Variants in ERG observed in about 807,000 individuals in gnomAD.
The protein encoded by ERG is transcriptional regulator ERG.
In ERG, 9 loss-of-function variants were observed where a neutral mutation model predicts 55.3. The observed-to-expected ratio is 0.16, with a 90% CI of 0.10 to 0.28. ERG has a LOEUF of 0.28. ERG is among the 10% of genes least tolerant of loss of function. ERG has a pLI of 1.00. For synonymous variants in ERG, 223 were observed against 237.3 expected (o/e 0.94, Z 0.55); for missense variants, 434 against 631.6 (o/e 0.69, Z 3.35).
chr21:38,650,303 T>G (rs2060481126), intron 1 of ERG, among the ~76,000 whole-genome samples: 1 of 152,182 alleles, frequency 6.6e-6, no homozygotes, highest in Non-Finnish European at 1.5e-5. Flanking sequence ...CTAGTGAAGT[T>G]TCTTACTTTG....
chr21:38,423,339 C>G, intron 3 of ERG, 71 bp downstream of exon 3: 3 of 1,495,880 alleles, frequency 2.0e-6, no homozygotes, highest in South Asian at 1.3e-5. Flanking sequence ...GGGAGAAGAG[C>G]TCCCTGAGGC....
chr21:38,494,992 C>A (rs1441300269), intron 1 of ERG, among the ~76,000 whole-genome samples: 2 of 152,262 alleles, frequency 1.3e-5, no homozygotes, highest in Admixed American at 6.5e-5. Flanking sequence ...GACTTATGCA[C>A]AGCAGGGCAG....
At chr21:38,552,186 AAT>A (rs139546378) in intron 2 of ERG, among the ~76,000 whole-genome samples, 5,500 of 152,206 alleles carry the variant, frequency 0.036, 146 homozygotes, top group Non-Finnish European at 0.052. Context: ...TTAAATCAGT[AAT>A]ATAAAGACTA....
chr21:38,604,932 T>C (rs1022520074), intron 1 of ERG, among the ~76,000 whole-genome samples: 18 of 152,244 alleles, frequency 1.2e-4, no homozygotes, highest in Non-Finnish European at 2.1e-4. Context: ...TTATAGGGCG[T>C]ATTATTTCTT....
chr21:38,435,742 C>T (rs1359414200), intron 2 of ERG, among the ~76,000 whole-genome samples: 3 of 152,154 alleles, frequency 2.0e-5, no homozygotes, highest in South Asian at 2.1e-4. Context: ...CCAGCAAGAC[C>T]GTGTTGCTTT....
intron 2 of ERG, among the ~76,000 whole-genome samples, chr21:38,539,450 C>T (rs1359110911): frequency 6.6e-6 from 1 of 152,094 alleles, no homozygotes; most frequent in African/African-American, 2.4e-5. Context: ...AAAGAAAATA[C>T]ATGATGGAAA....
chr21:38,612,618 C>T (rs912040973), intron 1 of ERG, among the ~76,000 whole-genome samples: 10 of 151,456 alleles, frequency 6.6e-5, no homozygotes, highest in Non-Finnish European at 1.3e-4. Flanking sequence ...AAATGAAACA[C>T]AGTAACTAAC....
chr21:38,394,632 G>A (rs1006594654), intron 6 of ERG, among the ~76,000 whole-genome samples: 4 of 152,250 alleles, frequency 2.6e-5, no homozygotes, highest in Non-Finnish European at 5.9e-5. Flanking sequence ...GATTACAGGC[G>A]TGAGCCACCG....
intron 2 of ERG, among the ~76,000 whole-genome samples, chr21:38,524,484 G>A (rs1488958800): frequency 6.6e-6 from 1 of 152,114 alleles, no homozygotes; most frequent in Non-Finnish European, 1.5e-5. Flanking sequence ...TTATCTATCT[G>A]CACTGAAATT....
intron 1 of ERG, among the ~76,000 whole-genome samples, chr21:38,456,443 A>T (rs992686645): frequency 6.6e-6 from 1 of 152,192 alleles, no homozygotes; most frequent in African/African-American, 2.4e-5. Flanking sequence ...TAAATAAAAA[A>T]ATTTAAAAAA....
Position 38,380,636 on chromosome 21 carries a change from CAG to C in ERG, c.*2765_*2766del, listed in dbSNP as rs998775778. Reference sequence around the variant, plus strand: ...CTTTGGAATTAGATTACAACAGTAACAGAGAGTTAATGCCATTTTGAAACAAT... The same window carrying C: ...CTTTGGAATTAGATTACAACAGTAACAGAGTTAATGCCATTTTGAAACAAT... On this transcript the variant is annotated 3_prime_UTR_variant, in exon 10 of 10. Coordinates refer to ENST00000288319, the MANE Select transcript of ERG (RefSeq NM_182918.4). 2.8e-6 allele frequency: 3 copies of C among 1,065,062 alleles called. No homozygotes were observed. In the African/African-American group the frequency reaches 4.9e-5, roughly 17 times the overall value. 66.0% of individuals were successfully genotyped at this position (1,065,062 alleles called of 1,614,324 possible).
intron 1 of ERG, among the ~76,000 whole-genome samples, chr21:38,632,577 T>C (rs1367096781): frequency 2.6e-5 from 4 of 152,162 alleles, no homozygotes; most frequent in African/African-American, 7.2e-5. Context: ...CTCACGAGAT[T>C]TGATAGTTTT....
At chr21:38,626,879 G>T (rs1038517023) in intron 1 of ERG, among the ~76,000 whole-genome samples, 13 of 151,994 alleles carry the variant, frequency 8.6e-5, no homozygotes, top group Non-Finnish European at 1.6e-4. Context: ...TTGAAGAAAT[G>T]AAAGCCAAAA....
chr21:38,574,258 T>G (rs1219611203), intron 2 of ERG, among the ~76,000 whole-genome samples: 4 of 152,252 alleles, frequency 2.6e-5, no homozygotes, highest in Admixed American at 2.6e-4. Context: ...ACAGACACAC[T>G]GATCAAATAT....
chr21:38,612,020 A>ATT (rs2060230411), intron 1 of ERG, among the ~76,000 whole-genome samples: 1 of 152,176 alleles, frequency 6.6e-6, no homozygotes, highest in African/African-American at 2.4e-5. Context: ...CTTTTAAATC[A>ATT]TTTTTCTCAA....
Position 38,622,650 on chromosome 21 carries a change from G to A in ERG, c.-149-37705C>T, listed in dbSNP as rs111067073. On this transcript the variant is annotated intron_variant, in intron 1 of 10. Coordinates refer to the ERG transcript ENST00000398910. ...CATATCACACACATACACATCACACGTCACATACACACCACACATTACATA... is the reference window on the plus strand; with the variant it reads ...CATATCACACACATACACATCACACATCACATACACACCACACATTACATA... Among the ~76,000 whole-genome samples the A allele has an allele frequency of 4.5e-3, 548 of 121,484 alleles. 4 individuals are homozygous for A. The highest frequency in any genetic ancestry group is 0.017 in the African/African-American group (512 of 30,844). The allele number at this position is 121,484 out of a possible 152,430, so 79.7% of individuals were successfully genotyped here.
chr21:38,503,417 C>A, upstream of ERG, among the ~76,000 whole-genome samples: 1 of 150,388 alleles, frequency 6.6e-6, no homozygotes, highest in Admixed American at 6.6e-5. Context: ...TCAAGAGTTT[C>A]GTGGAGGCCA....
At chr21:38,508,010 G>T (rs115625147) in intron 2 of ERG, among the ~76,000 whole-genome samples, 1 of 34,564 alleles carries the variant, frequency 2.9e-5, no homozygotes, top group African/African-American at 1.0e-4. Flanking sequence ...CACACACACA[G>T]AGACACACAA....
In ERG at chr21:38,382,164, G is replaced by T; in HGVS notation, c.*1239C>A. ...CATTATATCGATTGTCTCTTTTGTC[G>T]TGTGTCTTTGGCTGGCCGAGATCAA... is the stretch of plus-strand genomic sequence containing the variant. On this transcript the variant is annotated 3_prime_UTR_variant, in exon 10 of 10. Coordinates refer to ENST00000288319, the MANE Select transcript of ERG (RefSeq NM_182918.4). 9.5e-7 allele frequency: 1 copy of T among 1,049,116 alleles called. No individual in the cohort carries two copies. Among genetic ancestry groups the T allele is most frequent in the African/African-American group, 1.7e-5 (1 of 59,628 alleles). 65.0% of individuals were successfully genotyped at this position (1,049,116 alleles called of 1,614,324 possible).
Sources: gnomAD v4.1 joint callset for allele counts (sites outside exome capture counted in the v4.1 genomes callset) on GRCh38, gnomAD v4.1.1 for gene constraint, MANE v1.5 for transcripts, NCBI Gene and HGNC (gene_info 2026-07-23, HGNC 2026-07-21) for gene names.